The following ATP1A1 variants were observed in gnomAD, a reference collection of about 807,000 sequenced individuals.
ATP1A1 encodes ATPase Na+/K+ transporting subunit alpha 1, also known as sodium/potassium-transporting ATPase subunit alpha-1.
A neutral mutation model predicts 114.8 loss-of-function variants in ATP1A1; 14 were observed. The ratio of observed to expected loss-of-function variants is 0.12; its 90% CI spans 0.08 to 0.19. The LOEUF is 0.19. ATP1A1 is among the 10% of genes least tolerant of loss of function. ATP1A1 has a pLI of 1.00. For synonymous variants in ATP1A1, 471 were observed against 466.3 expected, an observed-to-expected ratio of 1.01 and a Z score of -0.13; for missense variants, 524 against 1,290.7, an observed-to-expected ratio of 0.41 and a Z score of 9.10.
intron 1 of ATP1A1, among the ~76,000 whole-genome samples, chr1:116,383,157 A>G (rs897086187): frequency 1.3e-5 from 2 of 152,164 alleles, no homozygotes; most frequent in Admixed American, 1.3e-4. Flanking sequence ...GAATTATGTG[A>G]TAATGCACAC....
rs772164096 is a variant in ATP1A1 at position 116,400,918 on chromosome 1, G to C, written c.2630G>C (p.Gly877Ala). ...FTYFVILAEN[G>A]FLPIHLLGLR... ...TACTTTGTGATTCTGGCTGAGAACG[G>C]CTTCCTCCCAATTCACCTGTTGGGC... The change falls in exon 19 of 23, where the codon GGC becomes GCC. Residue 877 changes from glycine (G) to alanine (A), a missense_variant. By Grantham distance (60) the Gly-to-Ala change is moderately conservative (BLOSUM62 0). This residue lies in a region of ATP1A1 where 84 missense variants were observed against 209.3 expected (regional missense o/e 0.40). Coordinates refer to ENST00000295598, the MANE Select transcript of ATP1A1 (RefSeq NM_000701.8). The C allele has an allele frequency of 6.2e-7, 1 of 1,614,216 alleles. No homozygotes were observed. The highest frequency in any genetic ancestry group is 8.5e-7 in the Non-Finnish European group (1 of 1,180,034).
At chr1:116,376,154 G>C (rs948921555) in intron 1 of ATP1A1, among the ~76,000 whole-genome samples, 1 of 152,072 alleles carries the variant, frequency 6.6e-6, no homozygotes, top group African/African-American at 2.4e-5. Flanking sequence ...AAGATGAGGA[G>C]GGGGGGTCTC....
At chr1:116,390,489 ATTTCT>A (rs1257238985) in intron 9 of ATP1A1, 78 bp downstream of exon 9, 2 of 1,287,456 alleles carry the variant, frequency 1.6e-6, no homozygotes, top group African/African-American at 3.7e-5. Flanking sequence ...ATTGCATGAA[ATTTCT>A]TTTTTTTTTT....
In ATP1A1 at chr1:116,398,343, T is replaced by C. The variant is rs144813034; in HGVS notation, c.2125-278T>C. Among the ~76,000 whole-genome samples, 89 of 152,288 alleles carry C rather than the reference T, an allele frequency of 5.8e-4. No individual in the cohort carries two copies. The highest frequency in any genetic ancestry group is 2.1e-3 in the African/African-American group (86 of 41,560). ...GAGTGGTCAGACTACAGGGCGTGCA[T>C]ACAGGAATGGCATTTTCTGGAGTGC... On this transcript the variant is annotated intron_variant, in intron 15 of 22. Coordinates refer to ENST00000295598, the MANE Select transcript of ATP1A1 (RefSeq NM_000701.8). The surrounding 1 kb of genome is among the most constrained non-coding windows in gnomAD (Gnocchi z 6.1).
chr1:116,384,754 C>A lies in ATP1A1; in HGVS notation c.124-29C>A. 6.3e-7 allele frequency: 1 copy of A among 1,574,836 alleles called. No homozygotes were observed. The highest frequency in any genetic ancestry group is 8.7e-7 in the Non-Finnish European group (1 of 1,154,288). On this transcript the variant is annotated intron_variant, in intron 2 of 22. Transcript: ENST00000295598. The surrounding 1 kb of genome is among the most constrained non-coding windows in gnomAD (Gnocchi z 5.1). ...CATTTTTTTATACTACACTGTTTAACTATTTTCTTTGTTTCTGTTTTCCCT... is the reference window on the plus strand; with the variant it reads ...CATTTTTTTATACTACACTGTTTAAATATTTTCTTTGTTTCTGTTTTCCCT...
chr1:116,383,381 A>ATGC, intron 1 of ATP1A1: 1 of 1,020,510 alleles, frequency 9.8e-7, no homozygotes. Context: ...ATATGTAATA[A>ATGC]TGTCTTTGCA....
At chr1:116,373,717 G>C in intron 1 of ATP1A1, 194 bp downstream of exon 1, 3 of 1,017,486 alleles carry the variant, frequency 2.9e-6, no homozygotes, top group Non-Finnish European at 3.8e-6. Context: ...CGGGGGGCGG[G>C]GGAAGGGAGC....
At chr1:116,376,794 C>CA (rs944115110) in intron 1 of ATP1A1, among the ~76,000 whole-genome samples, 10 of 150,202 alleles carry the variant, frequency 6.7e-5, no homozygotes, top group African/African-American at 1.5e-4. Flanking sequence ...AACAAAAAAA[C>CA]AAAAAAAAAG....
chr1:116,383,882 CCTGA>C lies in ATP1A1; in HGVS notation c.13-129_13-126del, dbSNP rs1161413606. The stretch of plus-strand genomic sequence containing the variant: ...TAGGCAATATATGGGTATACATTTT[CCTGA>C]CTATTATCTTAATGACTATTCCAAA... On this transcript the variant is annotated intron_variant, in intron 1 of 22. Transcript: ENST00000295598. 43 of 712,482 alleles carry C rather than the reference CCTGA, an allele frequency of 6.0e-5. No homozygotes were observed. The East Asian group carries it at 6.5e-4, about 11-fold the overall frequency. The allele number at this position is 712,482 out of a possible 1,614,324, so 44.1% of individuals were successfully genotyped here.
Position 116,388,775 on chromosome 1 carries a change from A to G in ATP1A1, c.636+3A>G. 6.2e-7 allele frequency: 1 copy of G among 1,614,066 alleles called. No homozygotes were observed. The highest frequency in any genetic ancestry group is 8.5e-7 in the Non-Finnish European group (1 of 1,179,980). ...TCATATCTGCAAATGGCTGCAAGGT[A>G]GCTCTTTTATTTTAACAAACCTCAT... On this transcript the variant is annotated splice_donor_region_variant and intron_variant, in intron 6 of 22. Transcript: ENST00000295598. The surrounding 1 kb of genome is among the most constrained non-coding windows in gnomAD (Gnocchi z 5.6).
In ATP1A1 at chr1:116,404,444, G is replaced by GC. The variant is rs528281918; in HGVS notation, c.*6dup. On this transcript the variant is annotated 3_prime_UTR_variant, in exon 23 of 23. Coordinates refer to ENST00000295598, the MANE Select transcript of ATP1A1 (RefSeq NM_000701.8). This position sits in a 1 kb window ranked among gnomAD's most constrained non-coding sequence, Gnocchi z 4.8. ...GGGTGGAGAAGGAAACCTACTATTAGCCCCCCGTCCTGCACGCCGTGGAGC... is the reference window on the plus strand; with the variant it reads ...GGGTGGAGAAGGAAACCTACTATTAGCCCCCCCGTCCTGCACGCCGTGGAGC... 14 of 1,612,148 alleles carry GC rather than the reference G, an allele frequency of 8.7e-6. No individual in the cohort carries two copies. Among genetic ancestry groups the GC allele is most frequent in the South Asian group, 4.4e-5 (4 of 90,864 alleles).
chr1:116,385,031 T>C lies in ATP1A1; in HGVS notation c.183+189T>C. The C allele has an allele frequency of 3.4e-6, 2 of 591,668 alleles. No homozygotes were observed. Among genetic ancestry groups the C allele is most frequent in the South Asian group, 2.1e-5 (1 of 48,470 alleles). The allele number at this position is 591,668 out of a possible 1,614,324, so 36.7% of individuals were successfully genotyped here. A position where few individuals can be genotyped will look rare whatever the true frequency, so the allele number is the denominator to read the frequency against. On this transcript the variant is annotated intron_variant, in intron 3 of 22. Transcript: ENST00000295598. This position sits in a 1 kb window ranked among gnomAD's most constrained non-coding sequence, Gnocchi z 4.3. The stretch of plus-strand genomic sequence containing the variant: ...TACCGTTTCTTTTCCCTGAAACTTT[T>C]TGAAAGTAGATGTTATTTTCTTTTC...
In ATP1A1 at chr1:116,397,801, C is replaced by G; in HGVS notation, c.1974-87C>G. 1 of 1,458,746 alleles carries G rather than the reference C, an allele frequency of 6.9e-7. No homozygotes were observed. The highest frequency in any genetic ancestry group is 9.2e-7 in the Non-Finnish European group (1 of 1,084,594). 90.4% of individuals were successfully genotyped at this position (1,458,746 alleles called of 1,614,324 possible). On this transcript the variant is annotated intron_variant, in intron 14 of 22. Coordinates refer to ENST00000295598, the MANE Select transcript of ATP1A1 (RefSeq NM_000701.8). The surrounding 1 kb of genome is among the most constrained non-coding windows in gnomAD (Gnocchi z 4.2). The stretch of plus-strand genomic sequence containing the variant: ...TTCTTTGTTTTGTTTACAAAGTGAT[C>G]TGCATAAGAATATCCCCTCTTGAGG...
chr1:116,378,859 A>G (rs1212014724), intron 1 of ATP1A1, among the ~76,000 whole-genome samples: 2 of 152,194 alleles, frequency 1.3e-5, no homozygotes, highest in African/African-American at 4.8e-5. Flanking sequence ...GGTAAAATGA[A>G]AAAAAGGAGG....
intron 1 of ATP1A1, among the ~76,000 whole-genome samples, chr1:116,379,113 G>T (rs983237727): frequency 6.6e-6 from 1 of 152,160 alleles, no homozygotes; most frequent in African/African-American, 2.4e-5. Flanking sequence ...AGGCTGTCAG[G>T]CTCATTAAGA....
chr1:116,388,276 G>T lies in ATP1A1; in HGVS notation c.501+32G>T, dbSNP rs1652227222. ...GACGCTTTGTCCTTCCCCAGTGGAT[G>T]ACTTGACAGCCCCAAGCATGTCAGC... On this transcript the variant is annotated intron_variant, in intron 5 of 22. Coordinates refer to ENST00000295598, the MANE Select transcript of ATP1A1 (RefSeq NM_000701.8). This position sits in a 1 kb window ranked among gnomAD's most constrained non-coding sequence, Gnocchi z 5.6. 6.6e-7 allele frequency: 1 copy of T among 1,504,288 alleles called. No individual in the cohort carries two copies. The highest frequency in any genetic ancestry group is 1.1e-5 in the South Asian group (1 of 88,556). 93.2% of individuals were successfully genotyped at this position (1,504,288 alleles called of 1,614,324 possible).
In ATP1A1 at chr1:116,398,914, AT is replaced by A. The variant is rs780771210; in HGVS notation, c.2294-15del. ...TTGTCTCATAAGCTAACAGTAAAAA[AT>A]CTTGGTTTTCATAGGTCGTCTGATC... On this transcript the variant is annotated splice_polypyrimidine_tract_variant and intron_variant, in intron 16 of 22. Transcript: ENST00000295598. This position sits in a 1 kb window ranked among gnomAD's most constrained non-coding sequence, Gnocchi z 6.1. 862 of 1,613,974 alleles carry A rather than the reference AT, an allele frequency of 5.3e-4. 1 individual carries two copies. Among genetic ancestry groups the A allele is most frequent in the Non-Finnish European group, 6.8e-4 (801 of 1,179,858 alleles).
chr1:116,374,096 C>CCTGGGGACGCTGGGGCTTAG (rs1651189228), intron 1 of ATP1A1: 1 of 1,466,400 alleles, frequency 6.8e-7, no homozygotes, highest in South Asian at 1.4e-5. Context: ...GGCTCCTTCT[C>CCTGGGGACGCTGGGGCTTAG]CTGGGGACGC....
intron 1 of ATP1A1, chr1:116,373,731 G>T: frequency 9.3e-7 from 1 of 1,074,010 alleles, no homozygotes; most frequent in Non-Finnish European, 1.2e-6. Flanking sequence ...AGGGAGCGCC[G>T]AGGGGCTGGA....
Sources: allele counts gnomAD v4.1 joint callset (sites outside exome capture counted in the v4.1 genomes callset), GRCh38; gene constraint gnomAD v4.1.1; regional missense constraint gnomAD v4.1.1; non-coding constraint Gnocchi (gnomAD v3.1); transcripts MANE v1.5; gene names NCBI Gene and HGNC (gene_info 2026-07-23, HGNC 2026-07-21).